The following DSCAM variants were observed in gnomAD, a reference collection of about 807,000 sequenced individuals.
DSCAM encodes the protein DS cell adhesion molecule, also known as cell adhesion molecule DSCAM.
DSCAM carries 47 observed loss-of-function variants against 217.7 expected under a neutral mutation model. The observed-to-expected ratio is 0.22, with a 90% confidence interval of 0.17 to 0.28. DSCAM has a LOEUF of 0.28. DSCAM is among the 10% of genes least tolerant of loss of function. The probability of loss-of-function intolerance (pLI) is 1.00; values close to 1 mark genes in which losing one functional copy is unlikely to be tolerated. For missense variants in DSCAM, 2,080 were observed against 2,618.3 expected, an observed-to-expected ratio of 0.79 and a Z score of 4.49; for synonymous variants, 1,056 against 1,015.3, an observed-to-expected ratio of 1.04 and a Z score of -0.76.
intron 3 of DSCAM, among the ~76,000 whole-genome samples, chr21:40,441,032 A>G (rs978843305): frequency 6.6e-6 from 1 of 152,168 alleles, no homozygotes; most frequent in Non-Finnish European, 1.5e-5. Flanking sequence ...CCCAACCCCA[A>G]GCTTACTCAG....
chr21:40,173,481 G>T (rs1018385076), intron 15 of DSCAM, among the ~76,000 whole-genome samples: 2 of 152,138 alleles, frequency 1.3e-5, no homozygotes, highest in African/African-American at 4.8e-5. Context: ...ACCCAGGATG[G>T]AGGAGAATGA....
intron 3 of DSCAM, among the ~76,000 whole-genome samples, chr21:40,380,401 T>C (rs1427415568): frequency 6.6e-6 from 1 of 152,244 alleles, no homozygotes; most frequent in Non-Finnish European, 1.5e-5. Flanking sequence ...TTGTATTTAT[T>C]TATTTATACG....
At chr21:40,659,855 T>C (rs985105472) in intron 3 of DSCAM, among the ~76,000 whole-genome samples, 2 of 152,208 alleles carry the variant, frequency 1.3e-5, no homozygotes, top group African/African-American at 4.8e-5. Flanking sequence ...ATTAATAATA[T>C]TTTCAGACAG....
In DSCAM at chr21:40,051,945, G is replaced by T; in HGVS notation, c.5185+13C>A. 3 of 1,607,252 alleles carry T rather than the reference G, an allele frequency of 1.9e-6. No individual in the cohort carries two copies. Among genetic ancestry groups the T allele is most frequent in the South Asian group, 1.1e-5 (1 of 89,896 alleles). On this transcript the variant is annotated intron_variant, in intron 30 of 32. Coordinates refer to ENST00000400454, the MANE Select transcript of DSCAM (RefSeq NM_001389.5). ...TTAACACCCACACATTTTAAGCATT[G>T]TTGACCACTCACTCGTTCCCGGCCG...
At chr21:40,223,546 CTT>C (rs5844007) in intron 11 of DSCAM, among the ~76,000 whole-genome samples, 1 of 151,864 alleles carries the variant, frequency 6.6e-6, no homozygotes, top group Non-Finnish European at 1.5e-5. Flanking sequence ...TCTAAGTTAC[CTT>C]TTTTTTCTAC....
intron 1 of DSCAM, among the ~76,000 whole-genome samples, chr21:40,821,645 G>A (rs776496402): frequency 7.2e-5 from 11 of 152,040 alleles, no homozygotes; most frequent in South Asian, 4.2e-4. Flanking sequence ...ATAGTATTCC[G>A]TGGTATATAT....
At chr21:40,761,294 T>A (rs1002793854) in intron 1 of DSCAM, among the ~76,000 whole-genome samples, 1 of 152,194 alleles carries the variant, frequency 6.6e-6, no homozygotes, top group South Asian at 2.1e-4. Flanking sequence ...TGTTTCCTTA[T>A]CTTTTCTAGC....
At chr21:40,542,534 G>A (rs73214146) in intron 3 of DSCAM, among the ~76,000 whole-genome samples, 19,234 of 152,190 alleles carry the variant, frequency 0.13, 1,458 homozygotes, top group East Asian at 0.28. Context: ...TTGGATTAGT[G>A]CCCTTAGAAA....
At chr21:40,468,584 G>A (rs2075863425) in intron 3 of DSCAM, among the ~76,000 whole-genome samples, 2 of 152,150 alleles carry the variant, frequency 1.3e-5, no homozygotes, top group East Asian at 1.9e-4. Flanking sequence ...AGTGGGGCAA[G>A]GGCTGAACAA....
chr21:40,440,122 T>A (rs1228177200), intron 3 of DSCAM, among the ~76,000 whole-genome samples: 1 of 152,210 alleles, frequency 6.6e-6, no homozygotes. Context: ...ATGATGTCAG[T>A]GGCCATGGTG....
chr21:40,782,674 G>C (rs576930346), intron 1 of DSCAM, among the ~76,000 whole-genome samples: 2 of 152,042 alleles, frequency 1.3e-5, no homozygotes, highest in East Asian at 3.9e-4. Flanking sequence ...AGGTTGCAGG[G>C]AGGCATGATC....
chr21:40,687,481 T>TA (rs1365791170), intron 3 of DSCAM, among the ~76,000 whole-genome samples: 1 of 152,096 alleles, frequency 6.6e-6, no homozygotes, highest in Non-Finnish European at 1.5e-5. Flanking sequence ...TTAACTTCTA[T>TA]AGTCAAGAGT....
rs557737286 is a variant in DSCAM, at chr21:40,606,264, G to A, written c.508+86546C>T. On this transcript the variant is annotated intron_variant, in intron 3 of 32. Coordinates refer to ENST00000400454, the MANE Select transcript of DSCAM (RefSeq NM_001389.5). ...GCTGGTACTCTGTCTCAGTGTTGGT[G>A]TTGGGGCCACGAGGGGGTGATGGGG... 5.3e-5 allele frequency among the ~76,000 whole-genome samples: 8 copies of A among 152,314 alleles called. No homozygotes were observed. In the East Asian group the frequency reaches 1.5e-3, roughly 29 times the overall value.
chr21:40,074,910 T>C (rs2089342252), intron 27 of DSCAM, 127 bp downstream of exon 27: 1 of 926,774 alleles, frequency 1.1e-6, no homozygotes. Context: ...AACCAGGCAG[T>C]GGAGGGACCT....
At chr21:40,818,910 C>T (rs1478515274) in intron 1 of DSCAM, among the ~76,000 whole-genome samples, 10 of 152,014 alleles carry the variant, frequency 6.6e-5, no homozygotes, top group Non-Finnish European at 1.5e-5. Context: ...ATAAAAAGAG[C>T]TTTTTCTGGC....
intron 1 of DSCAM, among the ~76,000 whole-genome samples, chr21:40,729,279 G>A (rs1033996887): frequency 5.9e-5 from 9 of 152,162 alleles, no homozygotes; most frequent in African/African-American, 9.7e-5. Flanking sequence ...TTGGTGCTAG[G>A]TTGTCAGTTA....
chr21:40,314,336 G>T (rs1216119635), intron 8 of DSCAM, among the ~76,000 whole-genome samples: 1 of 152,172 alleles, frequency 6.6e-6, no homozygotes, highest in African/African-American at 2.4e-5. Context: ...AATGGTCAAA[G>T]GTACCGACAA....
rs531831916 is a variant in DSCAM at position 40,101,032 on chromosome 21, G to A, written c.3697-7158C>T. 1.2e-4 allele frequency among the ~76,000 whole-genome samples: 18 copies of A among 152,304 alleles called. No individual in the cohort carries two copies. In the East Asian group the frequency reaches 2.9e-3, roughly 25 times the overall value. ...AAACAGCCAACATTACGAAGTTGCC[G>A]CCAGGCATGGACTTGAGGGATCCCA... is the stretch of plus-strand genomic sequence containing the variant. On this transcript the variant is annotated intron_variant, in intron 20 of 32. Coordinates refer to ENST00000400454, the MANE Select transcript of DSCAM (RefSeq NM_001389.5).
At chr21:40,647,674 A>T (rs2089964007) in intron 3 of DSCAM, among the ~76,000 whole-genome samples, 1 of 152,252 alleles carries the variant, frequency 6.6e-6, no homozygotes, top group South Asian at 2.1e-4. Flanking sequence ...TTGAGAAATT[A>T]TGTCCATTCA....
Sources: allele counts gnomAD v4.1 joint callset (sites outside exome capture counted in the v4.1 genomes callset), GRCh38; gene constraint gnomAD v4.1.1; transcripts MANE v1.5; gene names NCBI Gene and HGNC (gene_info 2026-07-23, HGNC 2026-07-21).